CCDC102B: variants seen among roughly 807,000 people sequenced by gnomAD.
CCDC102B encodes the protein coiled-coil domain-containing protein 102B.
CCDC102B carries 75 observed loss-of-function variants against 57.4 expected under a neutral mutation model. The ratio of observed to expected loss-of-function variants is 1.31; its 90% confidence interval spans 1.08 to 1.58. CCDC102B has a LOEUF of 1.58. CCDC102B is among the 40% of genes most tolerant of loss of function. The pLI is 0.00. For missense variants in CCDC102B, 636 were observed against 582.6 expected (o/e 1.09, Z -0.94); for synonymous variants, 206 against 201.9 (o/e 1.02, Z -0.17).
At chr18:68,765,363 AAGAAAGAAAG>A (rs1239315292) in intron 2 of CCDC102B, among the ~76,000 whole-genome samples, 3 of 144,856 alleles carry the variant, frequency 2.1e-5, no homozygotes, top group Admixed American at 2.1e-4. Flanking sequence ...GAAAGAAAGA[AAGAAAGAAAG>A]AAAGAAAAGA....
chr18:68,741,953 T>C (rs1015517782), intron 2 of CCDC102B, among the ~76,000 whole-genome samples: 3 of 151,946 alleles, frequency 2.0e-5, no homozygotes, highest in Non-Finnish European at 1.5e-5. Context: ...AGGTACAGAG[T>C]AGGAGGAAAA....
intron 1 of CCDC102B, among the ~76,000 whole-genome samples, chr18:68,830,024 A>G (rs1484945576): frequency 6.6e-6 from 1 of 152,000 alleles, no homozygotes; most frequent in African/African-American, 2.4e-5. Context: ...GAATTATTTC[A>G]TAGAGTGATT....
intron 6 of CCDC102B, among the ~76,000 whole-genome samples, chr18:68,977,382 A>T (rs2050465995): frequency 6.6e-6 from 1 of 151,944 alleles, no homozygotes; most frequent in Non-Finnish European, 1.5e-5. Flanking sequence ...CACCATTTAC[A>T]TTAAGTATTT....
intron 1 of CCDC102B, among the ~76,000 whole-genome samples, chr18:68,823,010 T>C (rs2036756388): frequency 6.6e-6 from 1 of 152,014 alleles, no homozygotes. Context: ...GTAGCACAAA[T>C]GGGAAGTACC....
In CCDC102B at chr18:68,898,092, G is replaced by A. The variant is rs1263572677; in HGVS notation, c.1263+664G>A. ...TGATAGTTTACAGATTTTTAAATGT[G>A]CTTTTAATGGCAGTCTTATAGTTTT... On this transcript the variant is annotated intron_variant, in intron 6 of 7. Transcript: ENST00000360242. 6.6e-5 allele frequency among the ~76,000 whole-genome samples: 10 copies of A among 151,964 alleles called. No homozygotes were observed. In the East Asian group the frequency reaches 1.9e-3, roughly 29 times the overall value.
chr18:68,989,615 G>A (rs893583501), intron 6 of CCDC102B, among the ~76,000 whole-genome samples: 1 of 152,198 alleles, frequency 6.6e-6, no homozygotes, highest in Non-Finnish European at 1.5e-5. Context: ...GCCTCAGGCA[G>A]GGGGCCTGCG....
At chr18:68,894,558 TTTTA>T (rs1262695822) in intron 5 of CCDC102B, among the ~76,000 whole-genome samples, 2 of 151,854 alleles carry the variant, frequency 1.3e-5, no homozygotes, top group African/African-American at 4.8e-5. Flanking sequence ...TTACCTGACT[TTTTA>T]TTTATCATTT....
At chr18:68,746,148 AAC>A (rs764290279) in intron 2 of CCDC102B, among the ~76,000 whole-genome samples, 13 of 152,220 alleles carry the variant, frequency 8.5e-5, no homozygotes, top group Admixed American at 1.3e-4. Context: ...AATCCTTAGA[AAC>A]AGACTCCAGA....
intron 4 of CCDC102B, among the ~76,000 whole-genome samples, chr18:68,869,203 A>G (rs2039132933): frequency 6.6e-6 from 1 of 152,214 alleles, no homozygotes; most frequent in South Asian, 2.1e-4. Flanking sequence ...AAGTTGAACA[A>G]TGAGCAGAGA....
At chr18:68,756,851 G>A (rs1227062601) in intron 2 of CCDC102B, among the ~76,000 whole-genome samples, 1 of 151,932 alleles carries the variant, frequency 6.6e-6, no homozygotes, top group African/African-American at 2.4e-5. Context: ...GTATTGCATA[G>A]CATATTGATG....
chr18:68,865,557 T>C (rs1296011357), intron 4 of CCDC102B, among the ~76,000 whole-genome samples: 1 of 152,166 alleles, frequency 6.6e-6, no homozygotes, highest in Non-Finnish European at 1.5e-5. Context: ...ATTCATAAAT[T>C]AATCTGCCTA....
At chr18:68,899,427 A>ATGTG (rs2040359270) in intron 6 of CCDC102B, among the ~76,000 whole-genome samples, 1 of 148,056 alleles carries the variant, frequency 6.8e-6, no homozygotes, top group East Asian at 2.0e-4. Flanking sequence ...CCATGGTGCT[A>ATGTG]TATATATATA....
chr18:68,726,920 GA>G (rs1256040884), intron 2 of CCDC102B, among the ~76,000 whole-genome samples: 3 of 152,164 alleles, frequency 2.0e-5, no homozygotes, highest in Non-Finnish European at 2.9e-5. Flanking sequence ...AATTTGGGAA[GA>G]GTCCATGGAT....
At chr18:68,736,473 TTAA>T (rs1350171077) in intron 2 of CCDC102B, among the ~76,000 whole-genome samples, 1 of 152,258 alleles carries the variant, frequency 6.6e-6, no homozygotes, top group Non-Finnish European at 1.5e-5. Flanking sequence ...AAAACCATTA[TTAA>T]TGTTGTTGCC....
chr18:69,043,380 C>T (rs1028931924), intron 7 of CCDC102B, among the ~76,000 whole-genome samples: 2 of 152,084 alleles, frequency 1.3e-5, no homozygotes, highest in Non-Finnish European at 2.9e-5. Flanking sequence ...TTATACTAAT[C>T]CTCCTCAGCA....
At chr18:68,790,483 C>G (rs563201810) in intron 2 of CCDC102B, among the ~76,000 whole-genome samples, 1 of 152,064 alleles carries the variant, frequency 6.6e-6, no homozygotes, top group African/African-American at 2.4e-5. Context: ...ATCAGCGAGA[C>G]TCCGAGGGCG....
intron 2 of CCDC102B, among the ~76,000 whole-genome samples, chr18:68,764,580 A>C (rs2034362503): frequency 6.6e-6 from 1 of 152,180 alleles, no homozygotes; most frequent in African/African-American, 2.4e-5. Flanking sequence ...GTGAGGCACC[A>C]CCAGGCTAGC....
chr18:68,823,928 G>C (rs918653200), intron 1 of CCDC102B, among the ~76,000 whole-genome samples: 2 of 151,560 alleles, frequency 1.3e-5, no homozygotes, highest in Non-Finnish European at 2.9e-5. Context: ...GTTGATTTAA[G>C]TTCCTTAAGC....
intron 5 of CCDC102B, among the ~76,000 whole-genome samples, chr18:68,886,001 A>G (rs2039870685): frequency 1.3e-5 from 2 of 152,130 alleles, no homozygotes; most frequent in South Asian, 4.1e-4. Context: ...ACATAAAATT[A>G]TAATAGCAAA....
Sources: gnomAD v4.1 joint callset for allele counts (sites outside exome capture counted in the v4.1 genomes callset) on GRCh38, gnomAD v4.1.1 for gene constraint, MANE v1.5 for transcripts, NCBI Gene and HGNC (gene_info 2026-07-23, HGNC 2026-07-21) for gene names.